SIKE1: variants seen among roughly 807,000 people sequenced by gnomAD.
The protein encoded by SIKE1 is suppressor of IKK epsilon.
SIKE1 carries 13 observed loss-of-function variants against 25.8 expected under a neutral mutation model. The observed-to-expected ratio is 0.50, with a 90% confidence interval of 0.33 to 0.80. The LOEUF (loss-of-function observed/expected upper bound fraction) is 0.80, where lower values mean the gene tolerates loss of function less well. SIKE1 is among the 30% of genes least tolerant of loss of function. The probability of loss-of-function intolerance (pLI) is 0.02; values close to 1 mark genes in which losing one functional copy is unlikely to be tolerated. For synonymous variants in SIKE1, 86 were observed against 95.5 expected, an observed-to-expected ratio of 0.90 and a Z score of 0.58; for missense variants, 222 against 252.4, an observed-to-expected ratio of 0.88 and a Z score of 0.82.
rs975179389 is a variant in SIKE1 at position 114,770,903 on chromosome 1, C to T, written c.*3368G>A. Reference sequence around the variant, plus strand: ...TGATTTTATTTGGGACAGCTATGTACCCTGCTTTCTTTGCAGGTACCAGTG... The same window carrying T: ...TGATTTTATTTGGGACAGCTATGTATCCTGCTTTCTTTGCAGGTACCAGTG... On this transcript the variant is annotated 3_prime_UTR_variant, in exon 5 of 5. Transcript: ENST00000060969. 1.3e-5 allele frequency: 2 copies of T among 152,222 alleles called. No homozygotes were observed. Among genetic ancestry groups the T allele is most frequent in the African/African-American group, 4.8e-5 (2 of 41,444 alleles). 9.4% of individuals were successfully genotyped at this position (152,222 alleles called of 1,614,324 possible). A position where few individuals can be genotyped will look rare whatever the true frequency, so the allele number is the denominator to read the frequency against.
rs368193274 is a variant in SIKE1 at position 114,774,387 on chromosome 1, G to C, written c.523-15C>G. 1 of 1,573,466 alleles carries C rather than the reference G, an allele frequency of 6.4e-7. No homozygotes were observed. The highest frequency in any genetic ancestry group is 1.1e-5 in the South Asian group (1 of 88,718). Reference sequence around the variant, plus strand: ...TTATTTTCAAGCTGGAAAAAAAAAGGCATGTTTATTTCTGGTATTTTTACT... The same window carrying C: ...TTATTTTCAAGCTGGAAAAAAAAAGCCATGTTTATTTCTGGTATTTTTACT... On this transcript the variant is annotated splice_polypyrimidine_tract_variant and intron_variant, in intron 4 of 4. Coordinates refer to ENST00000060969, the MANE Select transcript of SIKE1 (RefSeq NM_025073.3).
In SIKE1 at chr1:114,771,017, A is replaced by C. The variant is rs1357250327; in HGVS notation, c.*3254T>G. The C allele has an allele frequency of 6.6e-6, 1 of 152,270 alleles. No individual in the cohort carries two copies. The highest frequency in any genetic ancestry group is 2.4e-5 in the African/African-American group (1 of 41,474). The allele number at this position is 152,270 out of a possible 1,614,324, so 9.4% of individuals were successfully genotyped here. ...TGCTTTCCCTCATAAAAGGCGATAT[A>C]TATAGCTGGCACAGGCCATTTCCAT... On this transcript the variant is annotated 3_prime_UTR_variant, in exon 5 of 5. Coordinates refer to ENST00000060969, the MANE Select transcript of SIKE1 (RefSeq NM_025073.3).
chr1:114,771,521 A>G lies in SIKE1; in HGVS notation c.*2750T>C, dbSNP rs1662069150. ...ATCTGCAAAATGAGGTACAGTTAAA[A>G]TGGAGTTTATATAATACAGTACCTG... On this transcript the variant is annotated 3_prime_UTR_variant, in exon 5 of 5. Transcript: ENST00000060969. 1 of 152,184 alleles carries G rather than the reference A, an allele frequency of 6.6e-6. No individual in the cohort carries two copies. The highest frequency in any genetic ancestry group is 2.4e-5 in the African/African-American group (1 of 41,438). 9.4% of individuals were successfully genotyped at this position (152,184 alleles called of 1,614,324 possible).
chr1:114,780,151 T>C lies in SIKE1; in HGVS notation c.224A>G (p.Gln75Arg), dbSNP rs1357510766. ...CAAGTCTCTAATCTGTGTGTTCTCT[T>C]GGGACAGCAGAATGTGAGGTTTGTA... ...SKYKPHILLS[Q>R]ENTQIRDLQQ... The change falls in exon 2 of 5, where the codon CAA becomes CGA. Residue 75 changes from glutamine to arginine, a missense_variant. Gln to Arg is a conservative substitution (Grantham distance 43). Coordinates refer to ENST00000060969, the MANE Select transcript of SIKE1 (RefSeq NM_025073.3). 3.1e-6 allele frequency: 5 copies of C among 1,613,914 alleles called. No homozygotes were observed. In the African/African-American group the frequency reaches 6.7e-5, roughly 22 times the overall value.
intron 3 of SIKE1, 150 bp downstream of exon 3, chr1:114,778,992 G>A (rs1662327345): frequency 4.6e-6 from 4 of 864,930 alleles, no homozygotes; most frequent in Middle Eastern, 3.4e-4. Flanking sequence ...AGGAGGCAGA[G>A]GTTGCAGTGA....
In SIKE1 at chr1:114,780,665, C is replaced by A; in HGVS notation, c.-58G>T. The A allele has an allele frequency of 6.9e-7, 1 of 1,447,360 alleles. No homozygotes were observed. Among genetic ancestry groups the A allele is most frequent in the South Asian group, 1.2e-5 (1 of 80,484 alleles). 89.7% of individuals were successfully genotyped at this position (1,447,360 alleles called of 1,614,324 possible). A position where few individuals can be genotyped will look rare whatever the true frequency, so the allele number is the denominator to read the frequency against. ...CAGCTACGCGACTCGCTCAGATCTT[C>A]TGGGAGTCTGTCTCAGCATTACAGG... is the stretch of plus-strand genomic sequence containing the variant. On this transcript the variant is annotated 5_prime_UTR_variant, in exon 1 of 5. Coordinates refer to ENST00000060969, the MANE Select transcript of SIKE1 (RefSeq NM_025073.3).
chr1:114,775,215 G>A (rs2101128526), intron 4 of SIKE1, among the ~76,000 whole-genome samples: 1 of 152,188 alleles, frequency 6.6e-6, no homozygotes, highest in Admixed American at 6.5e-5. Flanking sequence ...GAAAACTCTG[G>A]TAAACCAAAG....
Position 114,769,851 on chromosome 1 carries a change from A to G in SIKE1, c.*4420T>C, listed in dbSNP as rs563533607. On this transcript the variant is annotated 3_prime_UTR_variant, in exon 5 of 5. Transcript: ENST00000060969. Reference sequence around the variant, plus strand: ...TTATTCTTAAGTTAGGTGATGAGTTATTATGCTTGATAATTTATTTGCATT... The same window carrying G: ...TTATTCTTAAGTTAGGTGATGAGTTGTTATGCTTGATAATTTATTTGCATT... The G allele has an allele frequency of 6.6e-6, 1 of 152,312 alleles. No homozygotes were observed. Among genetic ancestry groups the G allele is most frequent in the Non-Finnish European group, 1.5e-5 (1 of 68,018 alleles). 9.4% of individuals were successfully genotyped at this position (152,312 alleles called of 1,614,324 possible).
intron 4 of SIKE1, among the ~76,000 whole-genome samples, chr1:114,775,334 G>C (rs1161388039): frequency 1.3e-5 from 2 of 152,048 alleles, no homozygotes; most frequent in Non-Finnish European, 2.9e-5. Context: ...TTCGGTATTT[G>C]TATCTGTCTC....
rs943190062 is a variant in SIKE1, at chr1:114,771,850, C to T, written c.*2421G>A. The T allele has an allele frequency of 2.0e-5, 3 of 152,092 alleles. No individual in the cohort carries two copies. The highest frequency in any genetic ancestry group is 4.4e-5 in the Non-Finnish European group (3 of 67,996). 9.4% of individuals were successfully genotyped at this position (152,092 alleles called of 1,614,324 possible). A position where few individuals can be genotyped will look rare whatever the true frequency, so the allele number is the denominator to read the frequency against. On this transcript the variant is annotated 3_prime_UTR_variant, in exon 5 of 5. Transcript: ENST00000060969. ...TCATCTTTTAGAGTGCTAACTATTA[C>T]ACAATGGGGCCTAGACTAGATATTT...
At chr1:114,777,148 G>A (rs1662266367) in intron 3 of SIKE1, among the ~76,000 whole-genome samples, 2 of 152,116 alleles carry the variant, frequency 1.3e-5, no homozygotes, top group Non-Finnish European at 2.9e-5. Flanking sequence ...AATACCTAAT[G>A]TAAAGGACGA....
At position 114,772,443 on chromosome 1, in the gene SIKE1, T is replaced by TA. The variant is rs760365677; in HGVS notation, c.*1827dup. ...ATTATGTAGAGCACTAAAAGCTTCT[T>TA]AGACTTGTACCTCAGGCTTTTAATT... On this transcript the variant is annotated 3_prime_UTR_variant, in exon 5 of 5. Transcript: ENST00000060969. 1 of 152,212 alleles carries TA rather than the reference T, an allele frequency of 6.6e-6. No homozygotes were observed. Among genetic ancestry groups the TA allele is most frequent in the Non-Finnish European group, 1.5e-5 (1 of 68,034 alleles). 9.4% of individuals were successfully genotyped at this position (152,212 alleles called of 1,614,324 possible).
At chr1:114,776,480 C>G (rs746621302) in intron 3 of SIKE1, 21 bp from the exon 4 acceptor site, 1 of 1,510,282 alleles carries the variant, frequency 6.6e-7, no homozygotes, top group Admixed American at 1.7e-5. Context: ...ATTAAGGAAA[C>G]AAAGGTGGAA....
rs1415964959 is a variant in SIKE1, at chr1:114,772,356, TC to T, written c.*1914del. 1.3e-5 allele frequency: 2 copies of T among 152,194 alleles called. No individual in the cohort carries two copies. Among genetic ancestry groups the T allele is most frequent in the East Asian group, 3.8e-4 (2 of 5,198 alleles). The allele number at this position is 152,194 out of a possible 1,614,324, so 9.4% of individuals were successfully genotyped here. A position where few individuals can be genotyped will look rare whatever the true frequency, so the allele number is the denominator to read the frequency against. On this transcript the variant is annotated 3_prime_UTR_variant, in exon 5 of 5. Transcript: ENST00000060969. The stretch of plus-strand genomic sequence containing the variant: ...ATCCACTTAAAATGAAGAGCATTCC[TC>T]CCCGACTCAATTTTCTAACTACATA...
intron 4 of SIKE1, among the ~76,000 whole-genome samples, chr1:114,776,051 T>C (rs1662229861): frequency 6.6e-6 from 1 of 152,198 alleles, no homozygotes; most frequent in Non-Finnish European, 1.5e-5. Context: ...CACTTCTTAT[T>C]ATGGCAGATG....
At chr1:114,778,874 CAAACA>C in intron 3 of SIKE1, 1 of 450,798 alleles carries the variant, frequency 2.2e-6, no homozygotes, top group Non-Finnish European at 3.9e-6. Context: ...AAAAAACAAA[CAAACA>C]AACAAACAAA....
chr1:114,780,287 T>C (rs574273080), intron 1 of SIKE1, 72 bp from the exon 2 acceptor site: 3 of 1,551,926 alleles, frequency 1.9e-6, no homozygotes, highest in South Asian at 2.2e-5. Flanking sequence ...AGGCAGAAGT[T>C]AGGGCTCCAG....
At chr1:114,776,215 G>A (rs1662234278) in intron 4 of SIKE1, 131 bp downstream of exon 4, 3 of 643,290 alleles carry the variant, frequency 4.7e-6, no homozygotes, top group Admixed American at 5.5e-5. Flanking sequence ...GGGTATGAAG[G>A]AGGAGTTTTA....
chr1:114,771,430 A>T lies in SIKE1; in HGVS notation c.*2841T>A, dbSNP rs1255159982. The T allele has an allele frequency of 6.6e-6, 1 of 152,172 alleles. No homozygotes were observed. The highest frequency in any genetic ancestry group is 1.5e-5 in the Non-Finnish European group (1 of 68,022). 9.4% of individuals were successfully genotyped at this position (152,172 alleles called of 1,614,324 possible). On this transcript the variant is annotated 3_prime_UTR_variant, in exon 5 of 5. Coordinates refer to ENST00000060969, the MANE Select transcript of SIKE1 (RefSeq NM_025073.3). ...TTAGTTAGTGATTAAAAATGTGCTT[A>T]AGACTCTGTCTGGGTTTGAATCTTG... is the stretch of plus-strand genomic sequence containing the variant.
Sources: gnomAD v4.1 joint callset for allele counts (sites outside exome capture counted in the v4.1 genomes callset) on GRCh38, gnomAD v4.1.1 for gene constraint, MANE v1.5 for transcripts, NCBI Gene and HGNC (gene_info 2026-07-23, HGNC 2026-07-21) for gene names.